Variants in SPTBN4 observed in about 807,000 individuals in gnomAD.
SPTBN4 encodes the protein spectrin beta chain, non-erythrocytic 4.
SPTBN4 carries 96 observed loss-of-function variants against 277.8 expected under a neutral mutation model. That is an observed-to-expected ratio of 0.35 (90% CI 0.29 to 0.41). The LOEUF (loss-of-function observed/expected upper bound fraction) is 0.41. Among genes scored for constraint, SPTBN4 ranks in the 10% least tolerant of loss-of-function variants. SPTBN4 has a pLI of 1.00. For missense variants in SPTBN4, 3,006 were observed against 3,595.7 expected (o/e 0.84, Z 4.19); for synonymous variants, 1,481 against 1,580.3 (o/e 0.94, Z 1.49).
At chr19:40,489,924 G>A (rs1329274276) in intron 3 of SPTBN4, 151 bp from the exon 4 acceptor site, 15 of 725,640 alleles carry the variant, frequency 2.1e-5, no homozygotes, top group Non-Finnish European at 3.3e-5. Flanking sequence ...TGAGTCCTGT[G>A]TCTTGGATAA....
chr19:40,509,266 A>G (rs12976277), intron 13 of SPTBN4, among the ~76,000 whole-genome samples: 1 of 151,386 alleles, frequency 6.6e-6, no homozygotes, highest in Non-Finnish European at 1.5e-5. Flanking sequence ...TATTTTTGAG[A>G]TGGAGTTTTG....
At position 40,510,780 on chromosome 19, in the gene SPTBN4, G is replaced by A. The variant is rs775985426; in HGVS notation, c.1817-1826G>A. Among the ~76,000 whole-genome samples the A allele has an allele frequency of 5.1e-4, 78 of 151,796 alleles. 1 individual carries two copies. The highest frequency in any genetic ancestry group is 2.8e-4 in the Non-Finnish European group (19 of 67,938). On this transcript the variant is annotated intron_variant, in intron 13 of 35. Coordinates refer to ENST00000598249, the MANE Select transcript of SPTBN4 (RefSeq NM_020971.3). ...CTCACGCCTGTAATCCCAGTACTTT[G>A]GGAGGCCAAGGTGGGTGAATTTCTT...
At chr19:40,558,914 T>A (rs2081012923) in intron 26 of SPTBN4, among the ~76,000 whole-genome samples, 2 of 130,120 alleles carry the variant, frequency 1.5e-5, no homozygotes, top group Non-Finnish European at 3.2e-5. Context: ...AGCTGGCAAT[T>A]ATTATTATTA....
chr19:40,544,990 G>A (rs1315816559), intron 20 of SPTBN4, among the ~76,000 whole-genome samples: 1 of 151,490 alleles, frequency 6.6e-6, no homozygotes, highest in East Asian at 1.9e-4. Flanking sequence ...TGGGCATTGA[G>A]GTTGCTTCCA....
intron 2 of SPTBN4, 51 bp from the exon 3 acceptor site, chr19:40,487,646 G>T: frequency 6.4e-7 from 1 of 1,569,770 alleles, no homozygotes. Flanking sequence ...CTCGCGGAGG[G>T]CTGGGGTGAA....
At chr19:40,544,440 C>CTTTTTTTTTTTTTTT (rs3071333) in intron 20 of SPTBN4, among the ~76,000 whole-genome samples, 1 of 51,746 alleles carries the variant, frequency 1.9e-5, no homozygotes, top group African/African-American at 9.0e-5. Context: ...TTGTGCCCGG[C>CTTTTTTTTTTTTTTT]TTTTTTTTTT....
Position 40,513,384 on chromosome 19 carries a change from G to T in SPTBN4, c.2595G>T (p.Glu865Asp). 6.2e-7 allele frequency: 1 copy of T among 1,604,580 alleles called. No individual in the cohort carries two copies. The highest frequency in any genetic ancestry group is 8.5e-7 in the Non-Finnish European group (1 of 1,176,968). The change falls in exon 14 of 36, where the codon GAG (glutamate) becomes GAT (aspartate). Residue 865 changes from glutamate to aspartate, a missense_variant. Around this residue, in one of 5 missense-constraint regions of SPTBN4, gnomAD observed 1,759 missense variants for 2,061.5 expected, o/e 0.85. Coordinates refer to ENST00000598249, the MANE Select transcript of SPTBN4 (RefSeq NM_020971.3). ...TGGAAGCAGAGCAGTTGTTCGCTGA[G>T]GTGACCGAAGTGGCGGCGCTGAGGC... is the stretch of plus-strand genomic sequence containing the variant. ...RVVEAEQLFA[E>D]VTEVAALRRQ...
At chr19:40,471,303 G>T (rs2079882039) in intron 1 of SPTBN4, among the ~76,000 whole-genome samples, 1 of 152,126 alleles carries the variant, frequency 6.6e-6, no homozygotes, top group East Asian at 1.9e-4. Context: ...TGGAAAAATA[G>T]ATCAACTCCT....
chr19:40,527,063 C>T (rs1296992423), intron 17 of SPTBN4, among the ~76,000 whole-genome samples: 8 of 152,278 alleles, frequency 5.3e-5, no homozygotes, highest in Middle Eastern at 3.4e-3. Context: ...CAGTGCTTCG[C>T]TTGCTTGTCT....
intron 17 of SPTBN4, among the ~76,000 whole-genome samples, chr19:40,525,130 T>C (rs1327849382): frequency 6.6e-6 from 1 of 152,110 alleles, no homozygotes; most frequent in Non-Finnish European, 1.5e-5. Context: ...GTCACTTCAC[T>C]GTGCCACCCC....
chr19:40,472,050 A>G (rs1451095221), intron 1 of SPTBN4, among the ~76,000 whole-genome samples: 3 of 151,596 alleles, frequency 2.0e-5, no homozygotes, highest in Admixed American at 6.6e-5. Flanking sequence ...AGCTGGGATT[A>G]CAGGCATACT....
chr19:40,567,636 AC>A, intron 30 of SPTBN4, 26 bp from the exon 31 acceptor site: 1 of 1,459,692 alleles, frequency 6.9e-7, no homozygotes, highest in Non-Finnish European at 9.1e-7. Context: ...CACGCCTCCA[AC>A]CTAACCCTGG....
intron 3 of SPTBN4, 28 bp downstream of exon 3, chr19:40,487,876 G>A (rs1171439347): frequency 4.5e-6 from 7 of 1,569,756 alleles, no homozygotes; most frequent in Non-Finnish European, 6.0e-6. Flanking sequence ...GCTGGGGCAG[G>A]GGTCCTCCCT....
intron 12 of SPTBN4, among the ~76,000 whole-genome samples, chr19:40,505,002 C>T (rs1189598350): frequency 6.6e-6 from 1 of 151,738 alleles, no homozygotes; most frequent in African/African-American, 2.4e-5. Context: ...TGGAAATCTA[C>T]ATGACTACAG....
rs1297302399 is a variant in SPTBN4 at position 40,566,212 on chromosome 19, G to A, written c.6189G>A (p.Trp2063Ter). ...AGGAGGCGGTGGTGGCTGATGCCTGGCTGACAGCCCAGGAGCCGCTCCTGC... is the reference window on the plus strand; with the variant it reads ...AGGAGGCGGTGGTGGCTGATGCCTGACTGACAGCCCAGGAGCCGCTCCTGC... ...FAQEAVVADA[W>*]LTAQEPLLQS... The change falls in exon 30 of 36, where the codon TGG becomes TGA. Residue 2063 changes from tryptophan to a stop codon, truncating the protein, a stop_gained. Coordinates refer to ENST00000598249, the MANE Select transcript of SPTBN4 (RefSeq NM_020971.3). LOFTEE classifies it high-confidence loss of function. 1 of 1,549,196 alleles carries A rather than the reference G, an allele frequency of 6.5e-7. No individual in the cohort carries two copies. Among genetic ancestry groups the A allele is most frequent in the Non-Finnish European group, 8.7e-7 (1 of 1,145,520 alleles).
At chr19:40,531,460 G>GTTTGTTT (rs1568816195) in intron 18 of SPTBN4, among the ~76,000 whole-genome samples, 3 of 81,402 alleles carry the variant, frequency 3.7e-5, no homozygotes, top group South Asian at 5.4e-4. Flanking sequence ...GGAGTCCAGT[G>GTTTGTTT]TTTGTTTTTT....
intron 32 of SPTBN4, among the ~76,000 whole-genome samples, chr19:40,570,029 GACAC>G (rs372471443): frequency 2.8e-5 from 4 of 140,838 alleles, no homozygotes; most frequent in Admixed American, 2.8e-4. Context: ...TACACACACA[GACAC>G]ACACACACAG....
At chr19:40,563,070 CATG>C (rs940865220) in intron 27 of SPTBN4, among the ~76,000 whole-genome samples, 4 of 150,540 alleles carry the variant, frequency 2.7e-5, no homozygotes, top group African/African-American at 7.3e-5. Context: ...ATTAGTCAAG[CATG>C]GTGGTGTGCA....
Position 40,560,142 on chromosome 19 carries a change from C to G in SPTBN4, c.5671-17C>G. ...GGCCCCGTGGAGGGCTGGCGCCCGA[C>G]CTGGCATGCCCTTCAGGTACGGCAG... On this transcript the variant is annotated splice_polypyrimidine_tract_variant and intron_variant, in intron 26 of 35. Coordinates refer to ENST00000598249, the MANE Select transcript of SPTBN4 (RefSeq NM_020971.3). This position sits in a 1 kb window ranked among gnomAD's most constrained non-coding sequence, Gnocchi z 5.2. 1 of 1,580,202 alleles carries G rather than the reference C, an allele frequency of 6.3e-7. No individual in the cohort carries two copies. The highest frequency in any genetic ancestry group is 8.6e-7 in the Non-Finnish European group (1 of 1,167,564).
Sources: gnomAD v4.1 joint callset for allele counts (sites outside exome capture counted in the v4.1 genomes callset) on GRCh38, gnomAD v4.1.1 for gene constraint, gnomAD v4.1.1 regional missense constraint, Gnocchi (gnomAD v3.1) non-coding constraint, MANE v1.5 for transcripts, NCBI Gene and HGNC (gene_info 2026-07-23, HGNC 2026-07-21) for gene names.